Variants in HIBADH observed in about 807,000 individuals in gnomAD.
The protein encoded by HIBADH is 3-hydroxyisobutyrate dehydrogenase, mitochondrial.
Under a neutral mutation model 36.1 loss-of-function variants are expected in HIBADH, and 25 were observed. The observed-to-expected ratio is 0.69, with a 90% CI of 0.50 to 0.97. HIBADH has a LOEUF of 0.97. Ranked by LOEUF, HIBADH falls within the 50% of genes least tolerant of loss-of-function variation. HIBADH has a pLI of 0.00. For synonymous variants in HIBADH, 160 were observed against 149.5 expected (o/e 1.07, Z -0.51); for missense variants, 421 against 418.0 (o/e 1.01, Z -0.06).
At chr7:27,621,837 CAATAA>C (rs150340226) in intron 4 of HIBADH, among the ~76,000 whole-genome samples, 11,780 of 151,932 alleles carry the variant, frequency 0.078, 707 homozygotes, top group African/African-American at 0.17. Flanking sequence ...CTTCGCGCCA[CAATAA>C]AATATAACTA....
chr7:27,558,107 T>C (rs1784419262), intron 4 of HIBADH, among the ~76,000 whole-genome samples: 1 of 152,142 alleles, frequency 6.6e-6, no homozygotes, highest in South Asian at 2.1e-4. Flanking sequence ...CAATCTCTTA[T>C]CTTATTCTTG....
At chr7:27,652,310 A>AT (rs1469633583) in intron 1 of HIBADH, among the ~76,000 whole-genome samples, 2 of 152,104 alleles carry the variant, frequency 1.3e-5, no homozygotes, top group African/African-American at 4.8e-5. Context: ...AGAGATTAAG[A>AT]TTAAAAAAAA....
intron 1 of HIBADH, among the ~76,000 whole-genome samples, chr7:27,650,489 TTTATTTATTTATTTA>T (rs1786166147): frequency 6.7e-6 from 1 of 148,770 alleles, no homozygotes; most frequent in African/African-American, 2.5e-5. Flanking sequence ...TATTTATTTA[TTTATTTATTTATTTA>T]TTTTTTGAGA....
intron 4 of HIBADH, among the ~76,000 whole-genome samples, chr7:27,607,744 CAA>C (rs5883093): frequency 8.4e-4 from 125 of 148,820 alleles, no homozygotes; most frequent in African/African-American, 2.3e-3. Flanking sequence ...AAGAATGCTG[CAA>C]AAAAAAAAAA....
intron 4 of HIBADH, among the ~76,000 whole-genome samples, chr7:27,613,378 T>TAGAC (rs5883097): frequency 0.79 from 116,045 of 146,434 alleles, 46,368 homozygotes; most frequent in East Asian, 0.97. Context: ...TTTAGATAGA[T>TAGAC]AGACAGATAA....
intron 6 of HIBADH, among the ~76,000 whole-genome samples, chr7:27,532,686 T>C (rs1351221478): frequency 1.3e-5 from 2 of 152,208 alleles, no homozygotes; most frequent in South Asian, 2.1e-4. Context: ...CTAAGGATTG[T>C]AACAGATACA....
At chr7:27,593,544 A>C (rs1261497111) in intron 4 of HIBADH, among the ~76,000 whole-genome samples, 1 of 152,204 alleles carries the variant, frequency 6.6e-6, no homozygotes. Flanking sequence ...ACCTCCTTCA[A>C]ACCAAAGCTA....
At chr7:27,591,746 T>G (rs1562634466) in intron 4 of HIBADH, among the ~76,000 whole-genome samples, 1 of 152,234 alleles carries the variant, frequency 6.6e-6, no homozygotes, top group Non-Finnish European at 1.5e-5. Flanking sequence ...GAAACTTAGT[T>G]TAACAATTTA....
At chr7:27,617,367 G>A (rs373589535) in intron 4 of HIBADH, among the ~76,000 whole-genome samples, 9 of 152,112 alleles carry the variant, frequency 5.9e-5, no homozygotes, top group African/African-American at 1.4e-4. Flanking sequence ...GAACAATGAC[G>A]CAATTGCTTA....
At chr7:27,632,598 A>G (rs79681697) in intron 2 of HIBADH, among the ~76,000 whole-genome samples, 153 bp from the exon 3 acceptor site, 2 of 150,892 alleles carry the variant, frequency 1.3e-5, no homozygotes, top group Non-Finnish European at 3.0e-5. Context: ...AAAAAAAAAA[A>G]GCTTACTGCC....
chr7:27,585,265 ATG>A lies in HIBADH; in HGVS notation c.485-42167_485-42166del, dbSNP rs1784843504. On this transcript the variant is annotated intron_variant, in intron 4 of 7. Coordinates refer to ENST00000265395, the MANE Select transcript of HIBADH (RefSeq NM_152740.4). Reference sequence around the variant, plus strand: ...CGTGTGCATATATACACACGTGTGTATGTATGTGTATGTATATGCACACACGT... The same window carrying A: ...CGTGTGCATATATACACACGTGTGTATATGTGTATGTATATGCACACACGT... Among the ~76,000 whole-genome samples the A allele has an allele frequency of 1.0e-4, 5 of 48,038 alleles. No individual in the cohort carries two copies. The South Asian group carries it at 4.1e-3, about 39-fold the overall frequency. The allele number at this position is 48,038 out of a possible 152,430, so 31.5% of individuals were successfully genotyped here.
intron 4 of HIBADH, among the ~76,000 whole-genome samples, chr7:27,571,825 G>GTATC (rs1373004296): frequency 6.6e-6 from 1 of 152,174 alleles, no homozygotes; most frequent in Non-Finnish European, 1.5e-5. Flanking sequence ...TATTGGTTGA[G>GTATC]TATCTTCCCA....
chr7:27,654,838 A>G (rs572244416), intron 1 of HIBADH, among the ~76,000 whole-genome samples: 1 of 152,010 alleles, frequency 6.6e-6, no homozygotes, highest in South Asian at 2.1e-4. Flanking sequence ...GGCACATGCC[A>G]CCAGTCCTGG....
At chr7:27,551,602 TTAGACGA>T (rs58252863) in intron 4 of HIBADH, among the ~76,000 whole-genome samples, 99,250 of 151,926 alleles carry the variant, frequency 0.65, 33,342 homozygotes, top group East Asian at 0.94. Context: ...TGCTGATAAC[TTAGACGA>T]ACTACTCCCA....
At chr7:27,626,757 T>C (rs762961765) in intron 4 of HIBADH, among the ~76,000 whole-genome samples, 3 of 152,276 alleles carry the variant, frequency 2.0e-5, no homozygotes, top group East Asian at 3.9e-4. Context: ...TATGTTCCCA[T>C]TTACACTTTT....
intron 4 of HIBADH, among the ~76,000 whole-genome samples, chr7:27,593,535 C>G (rs1784978559): frequency 6.6e-6 from 1 of 152,154 alleles, no homozygotes; most frequent in Admixed American, 6.5e-5. Context: ...TTTTCAAAAA[C>G]CTCCTTCAAA....
chr7:27,633,876 G>A (rs1252344740), intron 2 of HIBADH, among the ~76,000 whole-genome samples: 4 of 152,164 alleles, frequency 2.6e-5, no homozygotes, highest in African/African-American at 9.6e-5. Flanking sequence ...GAAGGGACAT[G>A]TAAGCATCTT....
intron 4 of HIBADH, among the ~76,000 whole-genome samples, chr7:27,572,350 C>T (rs1784642739): frequency 6.6e-6 from 1 of 152,086 alleles, no homozygotes; most frequent in Non-Finnish European, 1.5e-5. Flanking sequence ...TTTAATATAC[C>T]TAGTCTACCA....
Position 27,649,607 on chromosome 7 carries a change from T to C in HIBADH, c.118A>G (p.Thr40Ala), listed in dbSNP as rs1786141437. 1 of 1,613,064 alleles carries C rather than the reference T, an allele frequency of 6.2e-7. No homozygotes were observed. The highest frequency in any genetic ancestry group is 8.5e-7 in the Non-Finnish European group (1 of 1,179,586). ...AVCSRSVASK[T>A]PVGFIGLGNM... is the part of the protein sequence containing the mutation. The stretch of plus-strand genomic sequence containing the variant: ...CCCAGTCCAATGAATCCAACTGGAG[T>C]CTTTGAAGCCACTGACCTAGAACAC... Residue 40 changes from threonine (T) to alanine (A), a missense_variant, in exon 2 of 8, where the codon ACT becomes GCT. Thr to Ala is a moderately conservative substitution (Grantham distance 58). Coordinates refer to ENST00000265395, the MANE Select transcript of HIBADH (RefSeq NM_152740.4).
Sources: allele counts gnomAD v4.1 joint callset (sites outside exome capture counted in the v4.1 genomes callset), GRCh38; gene constraint gnomAD v4.1.1; transcripts MANE v1.5; gene names NCBI Gene and HGNC (gene_info 2026-07-23, HGNC 2026-07-21).